TIMELESS: variants seen among roughly 807,000 people sequenced by gnomAD.
TIMELESS encodes timeless circadian regulator, also known as protein timeless homolog.
In TIMELESS, 124 loss-of-function variants were observed where a neutral mutation model predicts 164.3. The observed-to-expected ratio is 0.75, with a 90% confidence interval of 0.65 to 0.88. TIMELESS has a LOEUF of 0.88. Ranked by LOEUF, TIMELESS falls within the 40% of genes least tolerant of loss-of-function variation. TIMELESS has a pLI of 0.00. For missense variants in TIMELESS, 1,422 were observed against 1,491.4 expected, an observed-to-expected ratio of 0.95 and a Z score of 0.77; for synonymous variants, 564 against 563.4, an observed-to-expected ratio of 1.00 and a Z score of -0.02.
At chr12:56,420,022 A>AAAAAAAAAAG in intron 26 of TIMELESS, among the ~76,000 whole-genome samples, 1 of 94,728 alleles carries the variant, frequency 1.1e-5, no homozygotes, top group Non-Finnish European at 2.0e-5. Flanking sequence ...AAAAAAAAAA[A>AAAAAAAAAAG]AAAAAAAATA....
intron 8 of TIMELESS, 63 bp downstream of exon 8, chr12:56,431,408 T>C: frequency 1.3e-6 from 2 of 1,511,364 alleles, no homozygotes; most frequent in Non-Finnish European, 1.8e-6. Context: ...ACCTTAGAAT[T>C]TGCCTTCTAT....
At chr12:56,439,444 G>A (rs2136151138) in intron 1 of TIMELESS, among the ~76,000 whole-genome samples, 1 of 150,502 alleles carries the variant, frequency 6.6e-6, no homozygotes, top group South Asian at 2.1e-4. Flanking sequence ...ACCAGCCCAG[G>A]TTGGAGTACA....
At position 56,424,846 on chromosome 12, in the gene TIMELESS, T is replaced by C; in HGVS notation, c.1784A>G (p.Gln595Arg). 1 of 1,614,222 alleles carries C rather than the reference T, an allele frequency of 6.2e-7. No homozygotes were observed. Among genetic ancestry groups the C allele is most frequent in the Non-Finnish European group, 8.5e-7 (1 of 1,180,040 alleles). Residue 595 changes from glutamine (Q) to arginine (R), a missense_variant, in exon 15 of 29, where the codon CAG (glutamine) becomes CGG (arginine). By Grantham distance (43) the Gln-to-Arg change is conservative. Transcript: ENST00000553532. Reference protein sequence around the residue: ...DAASEVPVEEQRAEAMVRIQD... With the variant: ...DAASEVPVEERRAEAMVRIQD... ...GATCCGTACCATAGCTTCTGCCCGC[T>C]GCTCCTCCACTGGCACCTCTGAGGC...
intron 1 of TIMELESS, among the ~76,000 whole-genome samples, chr12:56,438,777 CAAAAAAAA>C (rs34222190): frequency 1.4e-4 from 7 of 48,448 alleles, no homozygotes; most frequent in African/African-American, 3.0e-4. Flanking sequence ...AGCTCTGTCT[CAAAAAAAA>C]AAAAAAAAAA....
intron 6 of TIMELESS, 64 bp downstream of exon 6, chr12:56,432,953 CAAAAAAAAA>C (rs67816652): frequency 3.7e-6 from 2 of 547,262 alleles, no homozygotes; most frequent in Non-Finnish European, 5.3e-6. Context: ...GACTCCGTCT[CAAAAAAAAA>C]AAAAAAAAAA....
chr12:56,426,784 T>TCCTGACCTCAAGTGATCTGCCCG (rs1881693482), intron 13 of TIMELESS, among the ~76,000 whole-genome samples: 1 of 151,978 alleles, frequency 6.6e-6, no homozygotes. Flanking sequence ...GGTCGTGAAC[T>TCCTGACCTCAAGTGATCTGCCCG]CCTGACCTCA....
Position 56,420,658 on chromosome 12 carries a change from G to C in TIMELESS, c.3139C>G (p.Leu1047Val), listed in dbSNP as rs751384393. Reference sequence around the variant, plus strand: ...ATGGCTTCCTCATTTTCCTCTGTGAGTGGCACCAATGGAACGGCCTGGGAG... The same window carrying C: ...ATGGCTTCCTCATTTTCCTCTGTGACTGGCACCAATGGAACGGCCTGGGAG... ...GCSQAVPLVPLTEENEEAMEN... is the reference protein window; with the variant it reads ...GCSQAVPLVPVTEENEEAMEN... The change falls in exon 26 of 29, where the codon CTC becomes GTC. Residue 1047 changes from leucine (L) to valine (V), a missense_variant. Leu to Val is a conservative substitution (Grantham distance 32, BLOSUM62 1). Transcript: ENST00000553532. The C allele has an allele frequency of 1.2e-6, 2 of 1,614,226 alleles. No homozygotes were observed. The highest frequency in any genetic ancestry group is 4.5e-5 in the East Asian group (2 of 44,872).
At chr12:56,422,309 G>C in intron 19 of TIMELESS, 118 bp from the exon 20 acceptor site, 2 of 874,674 alleles carry the variant, frequency 2.3e-6, no homozygotes, top group Non-Finnish European at 3.6e-6. Flanking sequence ...AACTGAAAGA[G>C]GCCAGCCAGC....
chr12:56,445,077 C>G (rs1302786375), intron 1 of TIMELESS, among the ~76,000 whole-genome samples: 1 of 151,976 alleles, frequency 6.6e-6, no homozygotes, highest in African/African-American at 2.4e-5. Context: ...CTTTGGCTCT[C>G]TCAAGGACTG....
At chr12:56,420,048 A>ATATATATATATATGTGTGTGTG (rs1473074484) in intron 26 of TIMELESS, among the ~76,000 whole-genome samples, 2 of 87,344 alleles carry the variant, frequency 2.3e-5, no homozygotes, top group African/African-American at 1.0e-4. Context: ...ATATATATAT[A>ATATATATATATATGTGTGTGTG]TGTGTGTGTG....
intron 19 of TIMELESS, 107 bp from the exon 20 acceptor site, chr12:56,422,298 T>C: frequency 2.0e-6 from 2 of 1,022,772 alleles, no homozygotes; most frequent in Non-Finnish European, 3.0e-6. Context: ...ACAAGGCAGG[T>C]AACTGAAAGA....
chr12:56,425,894 A>T (rs1397171587), intron 13 of TIMELESS, among the ~76,000 whole-genome samples: 3 of 151,994 alleles, frequency 2.0e-5, no homozygotes, highest in Non-Finnish European at 4.4e-5. Flanking sequence ...ATAAATAAAT[A>T]AATAATTAAA....
intron 1 of TIMELESS, among the ~76,000 whole-genome samples, chr12:56,444,663 CA>C (rs535283332): frequency 5.3e-4 from 80 of 152,196 alleles, no homozygotes; most frequent in Non-Finnish European, 7.4e-4. Flanking sequence ...CCTCCGACCG[CA>C]GCCTCCCAAA....
chr12:56,424,004 G>T, intron 15 of TIMELESS, 110 bp from the exon 16 acceptor site: 1 of 961,792 alleles, frequency 1.0e-6, no homozygotes, highest in Non-Finnish European at 1.6e-6. Flanking sequence ...GCCAGAAACA[G>T]AATGCAAACT....
At chr12:56,436,008 T>C (rs1211515159) in intron 1 of TIMELESS, among the ~76,000 whole-genome samples, 1 of 148,260 alleles carries the variant, frequency 6.7e-6, no homozygotes, top group Admixed American at 6.7e-5. Context: ...CGAAAAAGTA[T>C]ACAGTATATG....
chr12:56,422,755 A>G, intron 19 of TIMELESS, 92 bp downstream of exon 19: 2 of 1,379,754 alleles, frequency 1.4e-6, no homozygotes, highest in Non-Finnish European at 2.0e-6. Flanking sequence ...AGTGGGCTAA[A>G]TGACATGCAA....
rs61733875 is a variant in TIMELESS at position 56,421,933 on chromosome 12, T to C, written c.2608A>G (p.Met870Val). 9.0e-3 allele frequency: 14,508 copies of C among 1,614,084 alleles called. 1,095 individuals carry two copies. The African/African-American group carries it at 0.17, about 19-fold the overall frequency. ...RKQIIHHLVQ[M>V]GLADSVKDFQ... Reference sequence around the variant, plus strand: ...TCCTTGACACTGTCAGCCAGTCCCATCTGTACCAGATGGTGGATGATCTGC... The same window carrying C: ...TCCTTGACACTGTCAGCCAGTCCCACCTGTACCAGATGGTGGATGATCTGC... The change falls in exon 21 of 29, where the codon ATG becomes GTG. Residue 870 changes from methionine to valine, a missense_variant. Met to Val is a conservative substitution (Grantham distance 21). Coordinates refer to ENST00000553532, the MANE Select transcript of TIMELESS (RefSeq NM_003920.5).
Position 56,432,964 on chromosome 12 carries a change from A to AAC in TIMELESS, c.531+61_531+62insGT, listed in dbSNP as rs1184351438. On this transcript the variant is annotated intron_variant, in intron 6 of 28. Coordinates refer to ENST00000553532, the MANE Select transcript of TIMELESS (RefSeq NM_003920.5). ...GAGAGACTCCGTCTCAAAAAAAAAA[A>AAC]AAAAAAAAAAGGCAGCTCAACCTAA... 3 of 1,164,270 alleles carry AAC rather than the reference A, an allele frequency of 2.6e-6. No individual in the cohort carries two copies. The East Asian group carries it at 7.9e-5, about 31-fold the overall frequency. The allele number at this position is 1,164,270 out of a possible 1,614,324, so 72.1% of individuals were successfully genotyped here.
At position 56,417,445 on chromosome 12, in the gene TIMELESS, A is replaced by G. The variant is rs937499617; in HGVS notation, c.*271T>C. The G allele has an allele frequency of 2.4e-5, 10 of 412,972 alleles. No individual in the cohort carries two copies. The highest frequency in any genetic ancestry group is 1.9e-4 in the Admixed American group (5 of 26,798). 25.6% of individuals were successfully genotyped at this position (412,972 alleles called of 1,614,324 possible). ...TCCTCTTATTTGCTAAGGAGCTCCA[A>G]TAACCAAAAGAAATGGTTCCTAGAA... On this transcript the variant is annotated 3_prime_UTR_variant, in exon 29 of 29. Transcript: ENST00000553532.
Sources: allele counts gnomAD v4.1 joint callset (sites outside exome capture counted in the v4.1 genomes callset), GRCh38; gene constraint gnomAD v4.1.1; transcripts MANE v1.5; gene names NCBI Gene and HGNC (gene_info 2026-07-23, HGNC 2026-07-21).